Variants in STAT3 observed in about 807,000 individuals in gnomAD.
STAT3 encodes the protein DNA-binding protein APRF.
A neutral mutation model predicts 114.3 loss-of-function variants in STAT3; 7 were observed. The ratio of observed to expected loss-of-function variants is 0.06; its 90% CI spans 0.03 to 0.11. The LOEUF is 0.11. STAT3 is among the 10% of genes least tolerant of loss of function. The pLI is 1.00. For missense variants in STAT3, 364 were observed against 960.9 expected, an observed-to-expected ratio of 0.38 and a Z score of 8.21; for synonymous variants, 331 against 354.5, an observed-to-expected ratio of 0.93 and a Z score of 0.74.
In STAT3 at chr17:42,374,642, A is replaced by C. The variant is rs2084355297; in HGVS notation, c.-24+13637T>G. 3.3e-5 allele frequency among the ~76,000 whole-genome samples: 5 copies of C among 151,886 alleles called. No individual in the cohort carries two copies. The South Asian group carries it at 1.0e-3, about 32-fold the overall frequency. On this transcript the variant is annotated intron_variant, in intron 1 of 23. Coordinates refer to ENST00000264657, the MANE Select transcript of STAT3 (RefSeq NM_139276.3). ...AAAAAAAAAAAAGAACCCAGTCTGA[A>C]GCATGAATTCACATTGCGTTTTCCA...
At chr17:42,357,260 G>A (rs1180630168) in intron 1 of STAT3, among the ~76,000 whole-genome samples, 1 of 152,118 alleles carries the variant, frequency 6.6e-6, no homozygotes, top group Non-Finnish European at 1.5e-5. Flanking sequence ...GTATCTGCAA[G>A]TAGATTAGGA....
chr17:42,384,191 C>A (rs1483338810), intron 1 of STAT3, among the ~76,000 whole-genome samples: 1 of 146,558 alleles, frequency 6.8e-6, no homozygotes, highest in Non-Finnish European at 1.5e-5. Flanking sequence ...TGCAGTGGTG[C>A]GATATCGGCT....
chr17:42,323,550 G>C (rs113275589), intron 18 of STAT3, 23 bp downstream of exon 18: 1 of 1,613,364 alleles, frequency 6.2e-7, no homozygotes, highest in Non-Finnish European at 8.5e-7. Flanking sequence ...CCATTCCCAC[G>C]AGAATTTAAC....
intron 10 of STAT3, among the ~76,000 whole-genome samples, chr17:42,332,157 C>T (rs2082042804): frequency 1.3e-5 from 2 of 151,626 alleles, no homozygotes; most frequent in African/African-American, 4.8e-5. Flanking sequence ...GAACTCCCGA[C>T]CTCAGGTGAT....
rs537896639 is a variant in STAT3 at position 42,369,036 on chromosome 17, A to G, written c.-24+19243T>C. Among the ~76,000 whole-genome samples, 15 of 152,218 alleles carry G rather than the reference A, an allele frequency of 9.9e-5. 1 individual carries two copies. In the South Asian group the frequency reaches 3.1e-3, roughly 32 times the overall value. ...GTTCCTGCATTACTTTGCTAAGGAT[A>G]ATAGCCTCCAGCTCCATCCATGTTC... On this transcript the variant is annotated intron_variant, in intron 1 of 23. Transcript: ENST00000264657.
intron 1 of STAT3, among the ~76,000 whole-genome samples, chr17:42,375,213 T>C (rs904607686): frequency 4.6e-5 from 7 of 152,230 alleles, no homozygotes; most frequent in African/African-American, 1.7e-4. Context: ...CTCTTCCACT[T>C]ACCTTTATCT....
At chr17:42,340,309 C>T (rs913257893) in intron 4 of STAT3, among the ~76,000 whole-genome samples, 13 of 149,134 alleles carry the variant, frequency 8.7e-5, no homozygotes, top group Non-Finnish European at 1.6e-4. Context: ...TGAGCCAAGA[C>T]TGCGCCATGC....
chr17:42,381,497 A>G (rs1341189511), intron 1 of STAT3, among the ~76,000 whole-genome samples: 1 of 152,070 alleles, frequency 6.6e-6, no homozygotes, highest in African/African-American at 2.4e-5. Context: ...AGGCCGAGGC[A>G]GGCGGATCAC....
rs749943696 is a variant in STAT3 at position 42,323,321 on chromosome 17, C to A, written c.1687G>T (p.Val563Phe). 1 of 1,614,176 alleles carries A rather than the reference C, an allele frequency of 6.2e-7. No homozygotes were observed. The highest frequency in any genetic ancestry group is 1.1e-5 in the South Asian group (1 of 91,084). The change falls in exon 19 of 24, where the codon GTC becomes TTC. Residue 563 changes from valine to phenylalanine, a missense_variant. Physicochemically the swap from Val to Phe is conservative, Grantham distance 50. This residue lies in a region of STAT3 where 294 missense variants were observed against 745.1 expected (regional missense o/e 0.39). Coordinates refer to ENST00000264657, the MANE Select transcript of STAT3 (RefSeq NM_139276.3). The part of the protein sequence containing the change: ...NMAGKGFSFW[V>F]WLDNIIDLVK... ...AGGTCAATGATATTGTCCAGCCAGA[C>A]CCAGAAGGAGAAGCCCTTGCCAGCC...
intron 8 of STAT3, among the ~76,000 whole-genome samples, chr17:42,336,709 T>TA (rs147689491): frequency 0.073 from 11,180 of 152,216 alleles, 1,387 homozygotes; most frequent in African/African-American, 0.25. Flanking sequence ...GAGCATCAAC[T>TA]AAATTTTAAC....
rs1555566945 is a variant in STAT3, at chr17:42,334,015, G to A, written c.832C>T (p.Arg278Cys). ...TSLAESQLQT[R>C]QQIKKLEELQ... is the part of the protein sequence containing the mutation. ...TCCTCCAGTTTCTTAATTTGTTGAC[G>A]GGTCTGAAGTTGAGATTCTGCTAAT... Residue 278 changes from arginine (R) to cysteine (C), a missense_variant, in exon 9 of 24, where the codon CGT becomes TGT. Physicochemically the swap from Arg to Cys is radical, Grantham distance 180. Transcript: ENST00000264657. The A allele has an allele frequency of 6.2e-7, 1 of 1,614,076 alleles. No individual in the cohort carries two copies. Among genetic ancestry groups the A allele is most frequent in the Non-Finnish European group, 8.5e-7 (1 of 1,180,028 alleles).
chr17:42,321,397 C>A (rs769202125), intron 21 of STAT3, among the ~76,000 whole-genome samples: 5 of 152,076 alleles, frequency 3.3e-5, no homozygotes, highest in Non-Finnish European at 5.9e-5. Flanking sequence ...AGTGCTAGGA[C>A]TATAGGCATG....
At chr17:42,344,366 G>T (rs2082593933) in intron 4 of STAT3, among the ~76,000 whole-genome samples, 1 of 149,790 alleles carries the variant, frequency 6.7e-6, no homozygotes, top group South Asian at 2.1e-4. Context: ...AAGTTGCAGT[G>T]AGCTGAGATC....
chr17:42,376,370 A>T (rs1238806474), intron 1 of STAT3, among the ~76,000 whole-genome samples: 1 of 151,998 alleles, frequency 6.6e-6, no homozygotes, highest in Non-Finnish European at 1.5e-5. Context: ...TTATTAATGA[A>T]ACCCCATCTC....
At chr17:42,329,873 T>C in intron 11 of STAT3, 97 bp from the exon 12 acceptor site, 1 of 1,347,418 alleles carries the variant, frequency 7.4e-7, no homozygotes. Flanking sequence ...AAAAAACCTC[T>C]GTGCTCCTGG....
Position 42,315,646 on chromosome 17 carries a change from T to C in STAT3, c.*99A>G, listed in dbSNP as rs908915684. 5.6e-6 allele frequency: 7 copies of C among 1,259,576 alleles called. No homozygotes were observed. In the African/African-American group the frequency reaches 1.0e-4, roughly 19 times the overall value. The allele number at this position is 1,259,576 out of a possible 1,614,324, so 78.0% of individuals were successfully genotyped here. On this transcript the variant is annotated 3_prime_UTR_variant, in exon 24 of 24. Coordinates refer to ENST00000264657, the MANE Select transcript of STAT3 (RefSeq NM_139276.3). Reference sequence around the variant, plus strand: ...TAAAAAAAATCTGGAACCACAAAGTTAGTAGTTTCAGATGATCTGGGGTTT... The same window carrying C: ...TAAAAAAAATCTGGAACCACAAAGTCAGTAGTTTCAGATGATCTGGGGTTT...
intron 14 of STAT3, 97 bp downstream of exon 14, chr17:42,329,313 G>A (rs2081886203): frequency 6.4e-6 from 10 of 1,555,424 alleles, no homozygotes; most frequent in Non-Finnish European, 8.9e-6. Context: ...TGAAAGAACA[G>A]GTTGATGTTT....
At chr17:42,341,163 A>G (rs1055356889) in intron 4 of STAT3, among the ~76,000 whole-genome samples, 15 of 152,214 alleles carry the variant, frequency 9.9e-5, no homozygotes, top group Non-Finnish European at 1.8e-4. Flanking sequence ...ACTTAAAGGG[A>G]GAAAACATGA....
At chr17:42,354,463 C>T (rs952043382) in intron 1 of STAT3, among the ~76,000 whole-genome samples, 2 of 151,340 alleles carry the variant, frequency 1.3e-5, no homozygotes, top group Non-Finnish European at 2.9e-5. Flanking sequence ...TCATGGCACC[C>T]GGCCTGTGTT....
Sources: allele counts gnomAD v4.1 joint callset (sites outside exome capture counted in the v4.1 genomes callset), GRCh38; gene constraint gnomAD v4.1.1; regional missense constraint gnomAD v4.1.1; transcripts MANE v1.5; gene names NCBI Gene and HGNC (gene_info 2026-07-23, HGNC 2026-07-21).